PRKAG2: variants seen among roughly 807,000 people sequenced by gnomAD.
PRKAG2 encodes the protein protein kinase AMP-activated non-catalytic subunit gamma 2.
Under a neutral mutation model 69.6 loss-of-function variants are expected in PRKAG2, and 26 were observed. That is an observed-to-expected ratio of 0.37 (90% CI 0.27 to 0.52). PRKAG2 has a LOEUF of 0.52. PRKAG2 is among the 20% of genes least tolerant of loss of function. PRKAG2 has a pLI of 0.90. For synonymous variants in PRKAG2, 293 were observed against 285.0 expected, an observed-to-expected ratio of 1.03 and a Z score of -0.28; for missense variants, 557 against 740.0, an observed-to-expected ratio of 0.75 and a Z score of 2.87.
chr7:151,605,485 AG>A (rs1324690513), intron 5 of PRKAG2, among the ~76,000 whole-genome samples: 5 of 152,030 alleles, frequency 3.3e-5, no homozygotes, highest in Non-Finnish European at 7.4e-5. Context: ...CTGTAATCCC[AG>A]CACTTTGGGA....
chr7:151,832,914 C>T (rs2079071230), intron 1 of PRKAG2, among the ~76,000 whole-genome samples: 1 of 152,170 alleles, frequency 6.6e-6, no homozygotes, highest in Non-Finnish European at 1.5e-5. Context: ...CCGGACTAGC[C>T]TGGTGTTCCT....
At chr7:151,685,467 TCA>T (rs1585752388) in intron 3 of PRKAG2, among the ~76,000 whole-genome samples, 1 of 152,192 alleles carries the variant, frequency 6.6e-6, no homozygotes, top group Non-Finnish European at 1.5e-5. Flanking sequence ...TAAAATTTTC[TCA>T]GTTTTAATTT....
chr7:151,811,424 G>A lies in PRKAG2; in HGVS notation c.115-24883C>T, dbSNP rs2078417213. Among the ~76,000 whole-genome samples, 5 of 152,378 alleles carry A rather than the reference G, an allele frequency of 3.3e-5. No individual in the cohort carries two copies. In the South Asian group the frequency reaches 1.0e-3, roughly 32 times the overall value. ...GCCAGGCCCAGGCCACGAGGCCTCTGGGGTGAAGAAGGAACACCCCCCAGT... is the reference window on the plus strand; with the variant it reads ...GCCAGGCCCAGGCCACGAGGCCTCTAGGGTGAAGAAGGAACACCCCCCAGT... On this transcript the variant is annotated intron_variant, in intron 1 of 15. Transcript: ENST00000287878.
chr7:151,590,885 C>T (rs1812938195), intron 6 of PRKAG2, among the ~76,000 whole-genome samples: 1 of 152,224 alleles, frequency 6.6e-6, no homozygotes, highest in Admixed American at 6.5e-5. Context: ...ATTTTGTGCA[C>T]GCAGCCGGCA....
At chr7:151,866,343 T>C (rs1175606330) in intron 1 of PRKAG2, among the ~76,000 whole-genome samples, 1 of 152,178 alleles carries the variant, frequency 6.6e-6, no homozygotes, top group Non-Finnish European at 1.5e-5. Context: ...TCTCAGCAGG[T>C]TGGGCTAGAA....
chr7:151,833,475 G>A (rs747911561), intron 1 of PRKAG2, among the ~76,000 whole-genome samples: 1 of 152,172 alleles, frequency 6.6e-6, no homozygotes, highest in Non-Finnish European at 1.5e-5. Context: ...AAGTCTGCAG[G>A]GATGGTGCGG....
intron 3 of PRKAG2, among the ~76,000 whole-genome samples, chr7:151,728,919 AG>A (rs2151671478): frequency 6.6e-6 from 1 of 152,190 alleles, no homozygotes; most frequent in East Asian, 1.9e-4. Flanking sequence ...GGGTCAGAAA[AG>A]GGAAAGGGGC....
chr7:151,650,833 T>G (rs1356570439), intron 4 of PRKAG2, among the ~76,000 whole-genome samples: 1 of 152,158 alleles, frequency 6.6e-6, no homozygotes, highest in Non-Finnish European at 1.5e-5. Flanking sequence ...AGCTCTTGAG[T>G]ATGTGTCTTT....
chr7:151,737,536 C>T (rs548542963), intron 3 of PRKAG2, among the ~76,000 whole-genome samples: 7 of 152,254 alleles, frequency 4.6e-5, no homozygotes, highest in East Asian at 3.9e-4. Context: ...AAAACTGCAA[C>T]GCCATCAGTT....
chr7:151,745,172 C>T (rs1000398587), intron 3 of PRKAG2, among the ~76,000 whole-genome samples: 5 of 152,266 alleles, frequency 3.3e-5, no homozygotes, highest in South Asian at 2.1e-4. Flanking sequence ...TGAACCTTTG[C>T]GGATCACGAG....
intron 3 of PRKAG2, among the ~76,000 whole-genome samples, chr7:151,745,335 G>T (rs2074208068): frequency 6.6e-6 from 1 of 152,178 alleles, no homozygotes; most frequent in Non-Finnish European, 1.5e-5. Context: ...AAAATACTGT[G>T]TCATGTTTCA....
intron 5 of PRKAG2, among the ~76,000 whole-genome samples, chr7:151,624,105 T>C (rs1450538100): frequency 1.3e-5 from 2 of 151,800 alleles, no homozygotes; most frequent in African/African-American, 4.8e-5. Context: ...TTCAGATACA[T>C]GGGAAACAGC....
At chr7:151,783,357 T>C (rs2076828527) in intron 2 of PRKAG2, among the ~76,000 whole-genome samples, 1 of 152,332 alleles carries the variant, frequency 6.6e-6, no homozygotes, top group Non-Finnish European at 1.5e-5. Context: ...TTTTTGTTTT[T>C]GAGACAGGGT....
intron 3 of PRKAG2, among the ~76,000 whole-genome samples, chr7:151,686,806 G>A (rs1367880554): frequency 3.3e-5 from 5 of 152,124 alleles, no homozygotes; most frequent in East Asian, 1.9e-4. Context: ...TGCAGATTTC[G>A]GTTCTAGGCT....
At chr7:151,764,162 A>G (rs1474036503) in intron 3 of PRKAG2, among the ~76,000 whole-genome samples, 1 of 152,206 alleles carries the variant, frequency 6.6e-6, no homozygotes, top group Non-Finnish European at 1.5e-5. Flanking sequence ...GAGTTTTCTG[A>G]AGTCTCTAGC....
intron 1 of PRKAG2, among the ~76,000 whole-genome samples, chr7:151,858,039 G>A (rs879606241): frequency 2.6e-5 from 4 of 152,128 alleles, no homozygotes; most frequent in Non-Finnish European, 5.9e-5. Context: ...GTGGCCCCTC[G>A]GCTGCCAGCC....
intron 4 of PRKAG2, among the ~76,000 whole-genome samples, chr7:151,662,508 C>T (rs776194903): frequency 6.6e-6 from 1 of 152,170 alleles, no homozygotes; most frequent in Non-Finnish European, 1.5e-5. Context: ...TGTAATTCAG[C>T]CTTTTGTCAC....
At chr7:151,659,500 C>T (rs1680553754) in intron 4 of PRKAG2, among the ~76,000 whole-genome samples, 1 of 152,178 alleles carries the variant, frequency 6.6e-6, no homozygotes, top group Non-Finnish European at 1.5e-5. Flanking sequence ...GACCTTGAGG[C>T]TTTTCTTCTC....
At chr7:151,587,264 T>A (rs1183257685) in intron 6 of PRKAG2, among the ~76,000 whole-genome samples, 2 of 152,204 alleles carry the variant, frequency 1.3e-5, no homozygotes, top group East Asian at 3.8e-4. Flanking sequence ...TGTTCTGGAT[T>A]ATAACCCAAA....
Sources: gnomAD v4.1 joint callset for allele counts (sites outside exome capture counted in the v4.1 genomes callset) on GRCh38, gnomAD v4.1.1 for gene constraint, MANE v1.5 for transcripts, NCBI Gene and HGNC (gene_info 2026-07-23, HGNC 2026-07-21) for gene names.